The following CADPS2 variants were observed in gnomAD, a reference collection of about 807,000 sequenced individuals.
CADPS2 encodes calcium-dependent secretion activator 2.
A neutral mutation model predicts 172.5 loss-of-function variants in CADPS2; 93 were observed. The observed-to-expected ratio is 0.54, with a 90% CI of 0.46 to 0.64. The LOEUF is 0.64. CADPS2 is among the 30% of genes least tolerant of loss of function. The pLI, the probability that CADPS2 is intolerant of heterozygous loss-of-function variation, is 0.00. For synonymous variants in CADPS2, 546 were observed against 555.2 expected (o/e 0.98, Z 0.23); for missense variants, 1,420 against 1,565.9 (o/e 0.91, Z 1.57).
chr7:122,728,302 C>T (rs2091305087), intron 2 of CADPS2, among the ~76,000 whole-genome samples: 1 of 151,758 alleles, frequency 6.6e-6, no homozygotes, highest in Non-Finnish European at 1.5e-5. Flanking sequence ...CCTGAAAAGG[C>T]TCTTAGTTTT....
chr7:122,629,215 A>G (rs760908637), intron 4 of CADPS2, 33 bp downstream of exon 4: 1 of 1,518,812 alleles, frequency 6.6e-7, no homozygotes, highest in East Asian at 2.3e-5. Flanking sequence ...AAAGAAAGGA[A>G]TGTCATACAG....
intron 7 of CADPS2, among the ~76,000 whole-genome samples, chr7:122,563,952 C>T (rs940713843): frequency 2.6e-5 from 4 of 151,992 alleles, no homozygotes; most frequent in Admixed American, 2.0e-4. Flanking sequence ...ACTCAAAGGT[C>T]GTGCCTAAAG....
chr7:122,820,977 A>C (rs985951629), intron 1 of CADPS2, among the ~76,000 whole-genome samples: 1 of 151,692 alleles, frequency 6.6e-6, no homozygotes, highest in Non-Finnish European at 1.5e-5. Context: ...AGTTCTCATA[A>C]CTTCCAAAAT....
chr7:122,596,134 C>G (rs992777914), intron 6 of CADPS2, among the ~76,000 whole-genome samples: 2 of 152,040 alleles, frequency 1.3e-5, no homozygotes, highest in Non-Finnish European at 2.9e-5. Context: ...GGGAAGGGAG[C>G]CCCACCTGCT....
At chr7:122,885,970 G>A (rs946531212) in intron 1 of CADPS2, 29 bp downstream of exon 1, 1 of 1,586,118 alleles carries the variant, frequency 6.3e-7, no homozygotes, top group Non-Finnish European at 8.6e-7. Flanking sequence ...GAGAAGTGGT[G>A]GTAGGAGGCG....
At chr7:122,613,453 G>A (rs1024337358) in intron 6 of CADPS2, among the ~76,000 whole-genome samples, 1 of 152,008 alleles carries the variant, frequency 6.6e-6, no homozygotes, top group Non-Finnish European at 1.5e-5. Context: ...ATATATGGAA[G>A]ATATTTATAC....
At chr7:122,527,142 C>A (rs974078586) in intron 8 of CADPS2, among the ~76,000 whole-genome samples, 11 of 152,022 alleles carry the variant, frequency 7.2e-5, no homozygotes, top group Non-Finnish European at 1.3e-4. Flanking sequence ...ATTTTAGCAG[C>A]AGAATATTAC....
Position 122,345,558 on chromosome 7 carries a change from A to G in CADPS2, c.3612+16T>C. On this transcript the variant is annotated intron_variant, in intron 28 of 29. Coordinates refer to ENST00000449022, the MANE Select transcript of CADPS2 (RefSeq NM_017954.11). ...TATCTATGGTGTCAGCATACCTTGC[A>G]AGGGAAGCTACTTACATCAAATAAC... The G allele has an allele frequency of 6.9e-7, 1 of 1,458,750 alleles. No homozygotes were observed. Among genetic ancestry groups the G allele is most frequent in the Non-Finnish European group, 9.6e-7 (1 of 1,042,172 alleles). 90.4% of individuals were successfully genotyped at this position (1,458,750 alleles called of 1,614,324 possible).
chr7:122,513,924 T>C (rs758390376), intron 8 of CADPS2, among the ~76,000 whole-genome samples: 41 of 152,202 alleles, frequency 2.7e-4, no homozygotes, highest in Non-Finnish European at 3.7e-4. Flanking sequence ...TATAAAATTC[T>C]GATAGTAACG....
At chr7:122,880,392 C>T (rs1822576236) in intron 1 of CADPS2, among the ~76,000 whole-genome samples, 1 of 152,214 alleles carries the variant, frequency 6.6e-6, no homozygotes, top group Admixed American at 6.5e-5. Context: ...GCACTAGCCT[C>T]TCCACTGTAT....
chr7:122,582,028 A>G (rs2068895357), intron 6 of CADPS2, among the ~76,000 whole-genome samples: 1 of 152,136 alleles, frequency 6.6e-6, no homozygotes, highest in African/African-American at 2.4e-5. Context: ...ACCTGATATT[A>G]AAAAATCTTA....
At chr7:122,700,460 C>A (rs2085859045) in intron 2 of CADPS2, among the ~76,000 whole-genome samples, 1 of 152,096 alleles carries the variant, frequency 6.6e-6, no homozygotes, top group Non-Finnish European at 1.5e-5. Context: ...TTTCATACAT[C>A]CCTGCACATT....
intron 17 of CADPS2, among the ~76,000 whole-genome samples, chr7:122,418,509 A>G (rs1193058513): frequency 6.6e-6 from 1 of 152,240 alleles, no homozygotes; most frequent in Non-Finnish European, 1.5e-5. Flanking sequence ...GGGCCTCAGA[A>G]TAAATTAATT....
At chr7:122,664,182 T>C (rs1285429165) in intron 2 of CADPS2, among the ~76,000 whole-genome samples, 1 of 152,122 alleles carries the variant, frequency 6.6e-6, no homozygotes, top group African/African-American at 2.4e-5. Flanking sequence ...TCATGTATTA[T>C]TTGAGTGTGG....
chr7:122,346,424 G>T (rs1469798058), intron 27 of CADPS2, among the ~76,000 whole-genome samples: 1 of 151,978 alleles, frequency 6.6e-6, no homozygotes, highest in Non-Finnish European at 1.5e-5. Context: ...TTTCCTTAGG[G>T]TGCCTCCCTC....
intron 28 of CADPS2, chr7:122,331,251 G>A (rs1235476504): frequency 6.6e-6 from 1 of 152,030 alleles, no homozygotes; most frequent in Admixed American, 6.6e-5. Context: ...ATAAAGAACT[G>A]TGAATTACAG....
At position 122,537,619 on chromosome 7, in the gene CADPS2, C is replaced by T. The variant is rs375175333; in HGVS notation, c.1475+16931G>A. Among the ~76,000 whole-genome samples, 7 of 151,486 alleles carry T rather than the reference C, an allele frequency of 4.6e-5. No homozygotes were observed. In the East Asian group the frequency reaches 1.2e-3, roughly 25 times the overall value. On this transcript the variant is annotated intron_variant, in intron 8 of 29. Coordinates refer to ENST00000449022, the MANE Select transcript of CADPS2 (RefSeq NM_017954.11). Reference sequence around the variant, plus strand: ...CAAGGCTATTGGGATATAAGAAATACTGGGAAAAATAAGCTGAATTATTCA... The same window carrying T: ...CAAGGCTATTGGGATATAAGAAATATTGGGAAAAATAAGCTGAATTATTCA...
At chr7:122,841,620 G>T (rs369889750) in intron 1 of CADPS2, among the ~76,000 whole-genome samples, 1 of 152,288 alleles carries the variant, frequency 6.6e-6, no homozygotes, top group East Asian at 1.9e-4. Context: ...TTTGCCGCAA[G>T]AGTAGGAGAA....
chr7:122,843,157 C>T (rs1000753890), intron 1 of CADPS2, among the ~76,000 whole-genome samples: 1 of 152,116 alleles, frequency 6.6e-6, no homozygotes, highest in Admixed American at 6.5e-5. Flanking sequence ...GCAATGCTTT[C>T]TGTGAATACC....
Sources: gnomAD v4.1 joint callset for allele counts (sites outside exome capture counted in the v4.1 genomes callset) on GRCh38, gnomAD v4.1.1 for gene constraint, MANE v1.5 for transcripts, NCBI Gene and HGNC (gene_info 2026-07-23, HGNC 2026-07-21) for gene names.